RNF216: variants seen among roughly 807,000 people sequenced by gnomAD.
RNF216 encodes the protein E3 ubiquitin-protein ligase RNF216.
RNF216 carries 72 observed loss-of-function variants against 110.8 expected under a neutral mutation model. The ratio of observed to expected loss-of-function variants is 0.65; its 90% CI spans 0.54 to 0.79. The LOEUF is 0.79. Ranked by LOEUF, RNF216 falls within the 30% of genes least tolerant of loss-of-function variation. The probability of loss-of-function intolerance (pLI) is 0.00; values close to 1 mark genes in which losing one functional copy is unlikely to be tolerated. For missense variants in RNF216, 1,342 were observed against 1,141.2 expected (o/e 1.18, Z -2.54); for synonymous variants, 495 against 407.5 (o/e 1.21, Z -2.59).
chr7:5,638,030 A>G (rs1787503257), intron 15 of RNF216, among the ~76,000 whole-genome samples: 1 of 152,038 alleles, frequency 6.6e-6, no homozygotes, highest in Non-Finnish European at 1.5e-5. Flanking sequence ...GCCCCCTTGG[A>G]TGGGCCCCAC....
chr7:5,759,608 A>G (rs1465615872), intron 2 of RNF216, among the ~76,000 whole-genome samples: 4 of 148,882 alleles, frequency 2.7e-5, no homozygotes, highest in Non-Finnish European at 4.5e-5. Context: ...ATTCGTACTT[A>G]AGTTTTGGTG....
intron 13 of RNF216, among the ~76,000 whole-genome samples, chr7:5,710,901 CA>C (rs1256135924): frequency 6.6e-6 from 1 of 152,210 alleles, no homozygotes; most frequent in African/African-American, 2.4e-5. Context: ...ACTGTTGTGA[CA>C]ATTGTTATAG....
intron 13 of RNF216, among the ~76,000 whole-genome samples, chr7:5,655,102 G>A (rs1476617207): frequency 6.6e-6 from 1 of 152,150 alleles, no homozygotes; most frequent in East Asian, 1.9e-4. Flanking sequence ...TTAATTCATG[G>A]GTCTTCCTCA....
intron 3 of RNF216, among the ~76,000 whole-genome samples, chr7:5,751,901 G>A (rs1795350705): frequency 7.6e-6 from 1 of 131,542 alleles, no homozygotes; most frequent in African/African-American, 2.8e-5. Context: ...AAAGTACAAT[G>A]AAAGGGCCAG....
At chr7:5,772,775 CTTT>C (rs34504327) in intron 1 of RNF216, among the ~76,000 whole-genome samples, 6 of 133,532 alleles carry the variant, frequency 4.5e-5, no homozygotes, top group East Asian at 2.1e-4. Context: ...AAAGATATTC[CTTT>C]TTTTTTTTTT....
chr7:5,778,644 T>C (rs1020213217), intron 1 of RNF216, among the ~76,000 whole-genome samples: 9 of 152,218 alleles, frequency 5.9e-5, no homozygotes, highest in African/African-American at 2.2e-4. Context: ...AGAAGGATAA[T>C]TAGTGGCATG....
At chr7:5,626,423 A>G (rs1786707739) in intron 15 of RNF216, among the ~76,000 whole-genome samples, 1 of 151,946 alleles carries the variant, frequency 6.6e-6, no homozygotes, top group Non-Finnish European at 1.5e-5. Flanking sequence ...AAAAAAAAAA[A>G]AAAGAAAAAA....
chr7:5,725,316 T>C lies in RNF216; in HGVS notation c.1504+8A>G. Reference sequence around the variant, plus strand: ...GCTACACACTGCCACCAACACAGTTTGCATTACCTTGTTCAAACTTGAAAT... The same window carrying C: ...GCTACACACTGCCACCAACACAGTTCGCATTACCTTGTTCAAACTTGAAAT... On this transcript the variant is annotated splice_region_variant and intron_variant, in intron 8 of 16. Transcript: ENST00000389902. The C allele has an allele frequency of 6.7e-7, 1 of 1,494,986 alleles. No individual in the cohort carries two copies. The highest frequency in any genetic ancestry group is 9.3e-7 in the Non-Finnish European group (1 of 1,072,106). The allele number at this position is 1,494,986 out of a possible 1,614,324, so 92.6% of individuals were successfully genotyped here.
intron 5 of RNF216, among the ~76,000 whole-genome samples, chr7:5,737,536 A>G (rs1459763741): frequency 6.6e-6 from 1 of 151,080 alleles, no homozygotes; most frequent in African/African-American, 2.4e-5. Context: ...AATAATAATA[A>G]TAATAATAAT....
chr7:5,748,738 C>G (rs142133341), intron 3 of RNF216, among the ~76,000 whole-genome samples: 2 of 151,824 alleles, frequency 1.3e-5, no homozygotes, highest in African/African-American at 2.4e-5. Context: ...TTAAGTAGTA[C>G]TAAGTAGTTA....
intron 14 of RNF216, among the ~76,000 whole-genome samples, chr7:5,647,080 C>T (rs866702514): frequency 1.3e-5 from 2 of 151,994 alleles, no homozygotes; most frequent in South Asian, 2.1e-4. Flanking sequence ...ACACAATCCA[C>T]TGGGAGGCTG....
chr7:5,740,822 G>A (rs1212513267), intron 4 of RNF216, 151 bp downstream of exon 4: 2 of 664,594 alleles, frequency 3.0e-6, no homozygotes, highest in Non-Finnish European at 2.3e-6. Flanking sequence ...TGTCTTCAGA[G>A]TGTCTCTTCT....
chr7:5,704,635 C>T (rs1792174263), intron 13 of RNF216, among the ~76,000 whole-genome samples: 1 of 152,198 alleles, frequency 6.6e-6, no homozygotes, highest in Admixed American at 6.5e-5. Context: ...ACCCTTTCCT[C>T]ATGGAGCATC....
chr7:5,674,033 A>ATT (rs77889305), intron 13 of RNF216, among the ~76,000 whole-genome samples: 3 of 127,706 alleles, frequency 2.3e-5, no homozygotes, highest in African/African-American at 8.9e-5. Flanking sequence ...ATAATTTTCA[A>ATT]TTTTTTTTTT....
At chr7:5,682,539 C>T (rs1007938090) in intron 13 of RNF216, among the ~76,000 whole-genome samples, 3 of 151,888 alleles carry the variant, frequency 2.0e-5, no homozygotes, top group Admixed American at 6.6e-5. Context: ...ACCCGAGTAG[C>T]TGGGACTACA....
intron 3 of RNF216, among the ~76,000 whole-genome samples, chr7:5,748,752 C>T (rs571194891): frequency 2.0e-5 from 3 of 152,080 alleles, no homozygotes; most frequent in East Asian, 3.9e-4. Context: ...GTAGTTAAGG[C>T]TTTGGTCAAC....
intron 13 of RNF216, among the ~76,000 whole-genome samples, chr7:5,706,993 G>A (rs937736543): frequency 1.1e-4 from 17 of 152,186 alleles, no homozygotes; most frequent in African/African-American, 4.1e-4. Context: ...TCTTTTGCAT[G>A]TGGATATTCA....
chr7:5,736,444 T>C (rs1794403880), intron 5 of RNF216, among the ~76,000 whole-genome samples: 1 of 152,096 alleles, frequency 6.6e-6, no homozygotes, highest in African/African-American at 2.4e-5. Context: ...CAGGCTGCAG[T>C]GCAGTGGCGC....
intron 13 of RNF216, among the ~76,000 whole-genome samples, chr7:5,692,604 C>A (rs562931808): frequency 6.6e-6 from 1 of 152,364 alleles, no homozygotes; most frequent in South Asian, 2.1e-4. Context: ...AAAGGCAGAG[C>A]TGCTCAGTTC....
Sources: allele counts gnomAD v4.1 joint callset (sites outside exome capture counted in the v4.1 genomes callset), GRCh38; gene constraint gnomAD v4.1.1; transcripts MANE v1.5; gene names NCBI Gene and HGNC (gene_info 2026-07-23, HGNC 2026-07-21).